Variants in ZNF414 observed in about 807,000 individuals in gnomAD.
ZNF414 encodes zinc finger protein 414.
In ZNF414, 32 loss-of-function variants were observed where a neutral mutation model predicts 38.3. The observed-to-expected ratio is 0.83, with a 90% CI of 0.63 to 1.12. ZNF414 has a LOEUF of 1.12. ZNF414 is among the 50% of genes most tolerant of loss of function. The pLI is 0.00. For missense variants in ZNF414, 589 were observed against 557.4 expected, an observed-to-expected ratio of 1.06 and a Z score of -0.57; for synonymous variants, 256 against 248.0, an observed-to-expected ratio of 1.03 and a Z score of -0.30.
In ZNF414 at chr19:8,511,726, G is replaced by A. The variant is rs774303694; in HGVS notation, c.765C>T (p.Pro255=). 3 of 1,474,310 alleles carry A rather than the reference G, an allele frequency of 2.0e-6. No individual in the cohort carries two copies. Among genetic ancestry groups the A allele is most frequent in the Non-Finnish European group, 1.8e-6 (2 of 1,118,604 alleles). The allele number at this position is 1,474,310 out of a possible 1,614,324, so 91.3% of individuals were successfully genotyped here. A position where few individuals can be genotyped will look rare whatever the true frequency, so the allele number is the denominator to read the frequency against. ...PAPAPTGPFL[P]YLNPAPFGLS... is the part of the protein sequence containing the mutation. ...GGCCAAAGGGCGCAGGGTTCAAGTA[G>A]GGCAGGAACGGTCCGGTGGGGGCAG... is the stretch of plus-strand genomic sequence containing the variant. Residue 255 remains proline (P), a synonymous_variant, in exon 5 of 8, where the codon CCC becomes CCT. Coordinates refer to ENST00000393927, the MANE Select transcript of ZNF414 (RefSeq NM_001146175.2).
chr19:8,511,856 G>T lies in ZNF414; in HGVS notation c.635C>A (p.Ala212Asp), dbSNP rs750526535. The T allele has an allele frequency of 1.4e-6, 2 of 1,404,884 alleles. No homozygotes were observed. The highest frequency in any genetic ancestry group is 9.2e-7 in the Non-Finnish European group (1 of 1,087,952). The allele number at this position is 1,404,884 out of a possible 1,614,324, so 87.0% of individuals were successfully genotyped here. ...AQSPAPPPPP[A>D]LDREPPAPER... ...CGGCGCGGGCGGCTCTCGGTCCAGG[G>T]CCGGGGGTGGCGGCGGGGCTGGGCT... Residue 212 changes from alanine to aspartate, a missense_variant, in exon 5 of 8, where the codon GCC becomes GAC. Transcript: ENST00000393927.
chr19:8,512,023 TGCAATGCCACCCGCCCTTCGA>T, intron 4 of ZNF414, 63 bp from the exon 5 acceptor site: 1 of 1,402,440 alleles, frequency 7.1e-7, no homozygotes, highest in Non-Finnish European at 9.2e-7. Context: ...GAGTGTCCTG[TGCAATGCCACCCGCCCTTCGA>T]GCGTGGGAAC....
rs751364599 is a variant in ZNF414, at chr19:8,511,604, A to C, written c.874+13T>G. ...CAGCCAGCCCTCCTGGAGGCCCCCG[A>C]CCCCACACTCACCTTGGCTCTTTTT... is the stretch of plus-strand genomic sequence containing the variant. On this transcript the variant is annotated intron_variant, in intron 5 of 7. Transcript: ENST00000393927. 6.6e-6 allele frequency: 10 copies of C among 1,514,176 alleles called. No individual in the cohort carries two copies. In the South Asian group the frequency reaches 1.2e-4, roughly 18 times the overall value. The allele number at this position is 1,514,176 out of a possible 1,614,324, so 93.8% of individuals were successfully genotyped here. A position where few individuals can be genotyped will look rare whatever the true frequency, so the allele number is the denominator to read the frequency against.
chr19:8,511,412 T>C, intron 6 of ZNF414, 74 bp downstream of exon 6: 1 of 1,563,576 alleles, frequency 6.4e-7, no homozygotes, highest in South Asian at 1.2e-5. Flanking sequence ...TGCTGCCTCC[T>C]GGTATCCACC....
chr19:8,511,195 ACCCAACTTGGCTTCTCCGCGTCCCCTAC>A (rs1971908215), intron 6 of ZNF414, 171 bp from the exon 7 acceptor site: 1 of 1,307,362 alleles, frequency 7.6e-7, no homozygotes, highest in Non-Finnish European at 9.7e-7. Flanking sequence ...AGTTGGGGGC[ACCCAACTTGGCTTCTCCGCGTCCCCTAC>A]TATCATCCCC....
At position 8,513,093 on chromosome 19, in the gene ZNF414, G is replaced by C. The variant is rs1971940843; in HGVS notation, c.252C>G (p.Gly84=). The C allele has an allele frequency of 6.5e-7, 1 of 1,531,720 alleles. No individual in the cohort carries two copies. Among genetic ancestry groups the C allele is most frequent in the South Asian group, 1.2e-5 (1 of 82,666 alleles). The allele number at this position is 1,531,720 out of a possible 1,614,324, so 94.9% of individuals were successfully genotyped here. A position where few individuals can be genotyped will look rare whatever the true frequency, so the allele number is the denominator to read the frequency against. Residue 84 remains glycine (G), a synonymous_variant, in exon 2 of 8, where the codon GGC becomes GGG. Transcript: ENST00000393927. ...SCQPGPGPSP[G]LTSIVSGTSE... ...TGGTCCCGGAGACTATGCTGGTCAGGCCAGGGCTGGGTCCGGGGCCAGGCT... is the reference window on the plus strand; with the variant it reads ...TGGTCCCGGAGACTATGCTGGTCAGCCCAGGGCTGGGTCCGGGGCCAGGCT...
At position 8,510,890 on chromosome 19, in the gene ZNF414, CCGCGGGGG is replaced by C; in HGVS notation, c.1052_1059del (p.Ala351GlyfsTer73). 2 of 1,150,042 alleles carry C rather than the reference CCGCGGGGG, an allele frequency of 1.7e-6. No individual in the cohort carries two copies. Among genetic ancestry groups the C allele is most frequent in the Non-Finnish European group, 2.1e-6 (2 of 931,806 alleles). 71.2% of individuals were successfully genotyped at this position (1,150,042 alleles called of 1,614,324 possible). A position where few individuals can be genotyped will look rare whatever the true frequency, so the allele number is the denominator to read the frequency against. ...GGGCGCGGCGGCCCGGCCGCGGGGG[CCGCGGGGG>C]CGCCGGGGCGGTGGTCCTCCAGGTG... On this transcript the variant is annotated frameshift_variant, in exon 7 of 8. Transcript: ENST00000393927. LOFTEE classifies it low-confidence loss of function (END_TRUNC).
In ZNF414 at chr19:8,512,501, G is replaced by C. The variant is rs1444246402; in HGVS notation, c.425-9C>G. 6.2e-7 allele frequency: 1 copy of C among 1,614,098 alleles called. No homozygotes were observed. Among genetic ancestry groups the C allele is most frequent in the Non-Finnish European group, 8.5e-7 (1 of 1,180,006 alleles). On this transcript the variant is annotated splice_polypyrimidine_tract_variant and intron_variant, in intron 3 of 7. Transcript: ENST00000393927. ...GCAGCGGAAGAGCTTGCCTGGTAGG[G>C]ATGAAGGACAGAGAAGTGGAGACAG...
chr19:8,512,373 G>C lies in ZNF414; in HGVS notation c.530+14C>G. ...GGCTAGGGCAGGGCGGAGCTCAAGA[G>C]GTCAGGGTCTCACTTGAAGTAGCGA... On this transcript the variant is annotated intron_variant, in intron 4 of 7. Transcript: ENST00000393927. 6.2e-7 allele frequency: 1 copy of C among 1,613,694 alleles called. No individual in the cohort carries two copies.
At position 8,514,122 on chromosome 19, in the gene ZNF414, G is replaced by T; in HGVS notation, c.-76C>A. ...AGGCGGCGGCCACCCTCTGGGCAGT[G>T]CGAGTTCGCGCTCACGTCAGCGCCA... is the stretch of plus-strand genomic sequence containing the variant. On this transcript the variant is annotated 5_prime_UTR_variant, in exon 1 of 8. Coordinates refer to ENST00000393927, the MANE Select transcript of ZNF414 (RefSeq NM_001146175.2). The T allele has an allele frequency of 7.2e-7, 1 of 1,397,194 alleles. No individual in the cohort carries two copies. 86.5% of individuals were successfully genotyped at this position (1,397,194 alleles called of 1,614,324 possible). A position where few individuals can be genotyped will look rare whatever the true frequency, so the allele number is the denominator to read the frequency against.
chr19:8,511,745 G>T lies in ZNF414; in HGVS notation c.746C>A (p.Pro249His), dbSNP rs200518876. Residue 249 changes from proline (P) to histidine (H), a missense_variant, in exon 5 of 8, where the codon CCC becomes CAC. Physicochemically the swap from Pro to His is moderately conservative, Grantham distance 77 (BLOSUM62 -2). Transcript: ENST00000393927. ...LEPFTTPAPA[P>H]TGPFLPYLNP... ...CAAGTAGGGCAGGAACGGTCCGGTG[G>T]GGGCAGGGGCGGGGGTCGTGAAGGG... The T allele has an allele frequency of 6.6e-4, 964 of 1,456,216 alleles. No individual in the cohort carries two copies. Among genetic ancestry groups the T allele is most frequent in the Non-Finnish European group, 7.3e-4 (807 of 1,111,864 alleles). The allele number at this position is 1,456,216 out of a possible 1,614,324, so 90.2% of individuals were successfully genotyped here.
chr19:8,513,215 C>A lies in ZNF414; in HGVS notation c.130G>T (p.Glu44Ter), dbSNP rs1305563601. 2.5e-6 allele frequency: 4 copies of A among 1,575,538 alleles called. No individual in the cohort carries two copies. Among genetic ancestry groups the A allele is most frequent in the South Asian group, 1.1e-5 (1 of 87,576 alleles). ...AAAPSSSMSE[E>*]PGPEQAATPP... ...GTGGCTGCCTGCTCAGGGCCTGGCT[C>A]CTCCGACATGGAGGAGGAAGGGGCT... Residue 44 changes from glutamate (E) to a stop codon, truncating the protein, a stop_gained, in exon 2 of 8, where the codon GAG becomes TAG. Transcript: ENST00000393927. LOFTEE classifies it high-confidence loss of function.
Position 8,512,622 on chromosome 19 carries a change from G to A in ZNF414, c.406C>T (p.Pro136Ser). The change falls in exon 3 of 8, where the codon CCC (proline) becomes TCC (serine). Residue 136 changes from proline (P) to serine (S), a missense_variant. By Grantham distance (74) the Pro-to-Ser change is moderately conservative (BLOSUM62 -1). Transcript: ENST00000393927. ...GCCCTACCTTCCAGGGACTGTGTGGGCGGGCAGTGGGTTCGCAGATGCTGT... is the reference window on the plus strand; with the variant it reads ...GCCCTACCTTCCAGGGACTGTGTGGACGGGCAGTGGGTTCGCAGATGCTGT... Reference protein sequence around the residue: ...LAQHLRTHCPPTQSLEGKLFR... With the variant: ...LAQHLRTHCPSTQSLEGKLFR... The A allele has an allele frequency of 6.3e-7, 1 of 1,592,580 alleles. No homozygotes were observed. The highest frequency in any genetic ancestry group is 8.6e-7 in the Non-Finnish European group (1 of 1,168,670).
At chr19:8,512,217 C>T in intron 4 of ZNF414, 170 bp downstream of exon 4, 1 of 1,429,704 alleles carries the variant, frequency 7.0e-7, no homozygotes, top group South Asian at 1.5e-5. Flanking sequence ...GGTGGGGCCA[C>T]GCCCACGTAT....
chr19:8,513,820 G>A (rs568738461), intron 1 of ZNF414, among the ~76,000 whole-genome samples: 7 of 152,244 alleles, frequency 4.6e-5, no homozygotes, highest in Non-Finnish European at 1.0e-4. Flanking sequence ...TCTTGGAGGT[G>A]CTGGGGGCCC....
At chr19:8,512,884 G>T in intron 2 of ZNF414, 145 bp downstream of exon 2, 1 of 1,230,422 alleles carries the variant, frequency 8.1e-7, no homozygotes, top group Non-Finnish European at 1.1e-6. Flanking sequence ...GCTCACCATT[G>T]GAGCCACAGC....
Position 8,511,904 on chromosome 19 carries a change from T to C in ZNF414, c.587A>G (p.His196Arg). Residue 196 changes from histidine (H) to arginine (R), a missense_variant, in exon 5 of 8, where the codon CAT (histidine) becomes CGT (arginine). Transcript: ENST00000393927. ...GCTCTGCGCATGCTCCGCGCAAACA[T>C]GCAGGTGCTTGAAGAGCGAGCGGTG... Reference protein sequence around the residue: ...RTHRSLFKHLHVCAEHAQSPA... With the variant: ...RTHRSLFKHLRVCAEHAQSPA... 1.4e-6 allele frequency: 2 copies of C among 1,412,712 alleles called. No homozygotes were observed. The highest frequency in any genetic ancestry group is 2.7e-5 in the East Asian group (1 of 37,634). 87.5% of individuals were successfully genotyped at this position (1,412,712 alleles called of 1,614,324 possible).
Position 8,512,879 on chromosome 19 carries a change from C to T in ZNF414, c.316+150G>A, listed in dbSNP as rs998301774. The stretch of plus-strand genomic sequence containing the variant: ...GCAGGGGCTGGACTGGCCAGGCTCA[C>T]CATTGGAGCCACAGCCTGGCATCCA... On this transcript the variant is annotated intron_variant, in intron 2 of 7. Transcript: ENST00000393927. 3.6e-5 allele frequency: 44 copies of T among 1,216,414 alleles called. No homozygotes were observed. The African/African-American group carries it at 5.7e-4, about 16-fold the overall frequency. The allele number at this position is 1,216,414 out of a possible 1,614,324, so 75.4% of individuals were successfully genotyped here.
rs1170665629 is a variant in ZNF414 at position 8,514,081 on chromosome 19, C to CCGGCGGCTGCAGCTTAGG, written c.-53_-36dup. ...GGCTCGGCCTCTTGTTTCTGCGGCT[C>CCGGCGGCTGCAGCTTAGG]CGGCGGCTGCAGCTTAGGCGGCGGC... On this transcript the variant is annotated 5_prime_UTR_variant, in exon 1 of 8. Transcript: ENST00000393927. The CCGGCGGCTGCAGCTTAGG allele has an allele frequency of 6.8e-7, 1 of 1,464,786 alleles. No individual in the cohort carries two copies. The highest frequency in any genetic ancestry group is 9.0e-7 in the Non-Finnish European group (1 of 1,109,000). The allele number at this position is 1,464,786 out of a possible 1,614,324, so 90.7% of individuals were successfully genotyped here.
Sources: gnomAD v4.1 joint callset for allele counts (sites outside exome capture counted in the v4.1 genomes callset) on GRCh38, gnomAD v4.1.1 for gene constraint, MANE v1.5 for transcripts, NCBI Gene and HGNC (gene_info 2026-07-23, HGNC 2026-07-21) for gene names.